Variants in PRDM11 observed in about 807,000 individuals in gnomAD.
PRDM11 encodes the protein PR/SET domain 11.
Under a neutral mutation model 97.8 loss-of-function variants are expected in PRDM11, and 20 were observed. That is an observed-to-expected ratio of 0.20 (90% CI 0.14 to 0.30). The LOEUF is 0.30. Among genes scored for constraint, PRDM11 ranks in the 10% least tolerant of loss-of-function variants. The pLI is 1.00. For missense variants in PRDM11, 1,139 were observed against 1,555.2 expected, an observed-to-expected ratio of 0.73 and a Z score of 4.50; for synonymous variants, 599 against 637.7, an observed-to-expected ratio of 0.94 and a Z score of 0.91.
At chr11:45,147,293 G>GGGCGGGGCGCGGACGC (rs1228105757) in intron 1 of PRDM11, 30 of 151,590 alleles carry the variant, frequency 2.0e-4, no homozygotes, top group Middle Eastern at 3.5e-3. Context: ...GACACGGACG[G>GGGCGGGGCGCGGACGC]GGCGGGGCGC....
chr11:45,119,240 C>T, intron 1 of PRDM11, among the ~76,000 whole-genome samples: 1 of 152,174 alleles, frequency 6.6e-6, no homozygotes, highest in Non-Finnish European at 1.5e-5. Context: ...CCTGAAACAT[C>T]TGTCAGATTT....
At chr11:45,205,036 T>C (rs1332170155) in intron 5 of PRDM11, among the ~76,000 whole-genome samples, 1 of 152,026 alleles carries the variant, frequency 6.6e-6, no homozygotes, top group Non-Finnish European at 1.5e-5. Context: ...TGTCTGGAGG[T>C]CCTGGGCCCC....
chr11:45,207,221 G>A (rs1480621178), intron 5 of PRDM11, among the ~76,000 whole-genome samples: 1 of 152,216 alleles, frequency 6.6e-6, no homozygotes, highest in African/African-American at 2.4e-5. Flanking sequence ...AGCTTCCGTG[G>A]TGTGGCTCTT....
intron 1 of PRDM11, among the ~76,000 whole-genome samples, chr11:45,128,654 T>A (rs1241456633): frequency 6.6e-6 from 1 of 152,142 alleles, no homozygotes; most frequent in Non-Finnish European, 1.5e-5. Flanking sequence ...AAAAACTGAA[T>A]CTGTAATTGA....
At chr11:45,116,541 C>T (rs575227210) in intron 1 of PRDM11, among the ~76,000 whole-genome samples, 4 of 152,106 alleles carry the variant, frequency 2.6e-5, no homozygotes, top group Non-Finnish European at 5.9e-5. Flanking sequence ...TAAATAACTC[C>T]TTGGTGAAAG....
intron 1 of PRDM11, among the ~76,000 whole-genome samples, chr11:45,100,396 T>C (rs1353478882): frequency 6.6e-6 from 1 of 152,252 alleles, no homozygotes; most frequent in East Asian, 1.9e-4. Flanking sequence ...AAACTCATGC[T>C]CAGCCTTTCA....
intron 1 of PRDM11, among the ~76,000 whole-genome samples, chr11:45,105,562 C>T (rs1298046089): frequency 6.6e-6 from 1 of 152,264 alleles, no homozygotes; most frequent in Non-Finnish European, 1.5e-5. Context: ...TCCACTGCTA[C>T]AGCTGACTCT....
chr11:45,103,269 C>A (rs1396468454), intron 1 of PRDM11, among the ~76,000 whole-genome samples: 1 of 152,146 alleles, frequency 6.6e-6, no homozygotes, highest in Non-Finnish European at 1.5e-5. Context: ...AACCTGGACT[C>A]TGCAGTTGGT....
intron 1 of PRDM11, among the ~76,000 whole-genome samples, chr11:45,101,620 A>T: frequency 1.1e-5 from 1 of 90,148 alleles, no homozygotes; most frequent in East Asian, 3.2e-4. Context: ...GCTCAGAGCT[A>T]GAGGCTGAGC....
chr11:45,213,455 AG>A, intron 5 of PRDM11: 1 of 450,046 alleles, frequency 2.2e-6, no homozygotes, highest in Non-Finnish European at 4.5e-6. Flanking sequence ...CTTCTTTTGA[AG>A]GGGGTGAGGC....
At position 45,227,526 on chromosome 11, in the gene PRDM11, C is replaced by T. The variant is rs1299460190; in HGVS notation, c.2901C>T (p.Thr967=). The T allele has an allele frequency of 1.3e-6, 2 of 1,533,892 alleles. No individual in the cohort carries two copies. The highest frequency in any genetic ancestry group is 1.7e-6 in the Non-Finnish European group (2 of 1,146,736). The part of the protein sequence containing the change: ...QSIREKICQK[T]QVILAQRFDS... ...TCAGGGAGAAGATCTGCCAGAAGAC[C>T]CAGGTCATCCTGGCTCAGAGGTTCG... Residue 967 remains threonine, a synonymous_variant, in exon 8 of 8, where the codon ACC becomes ACT. Transcript: ENST00000683152. This position sits in a 1 kb window ranked among gnomAD's most constrained non-coding sequence, Gnocchi z 8.0.
At position 45,233,425 on chromosome 11, in the gene PRDM11, C is replaced by G. The variant is rs576389751; in HGVS notation, c.*5266C>G. 1 of 152,348 alleles carries G rather than the reference C, an allele frequency of 6.6e-6. No homozygotes were observed. The allele number at this position is 152,348 out of a possible 1,614,324, so 9.4% of individuals were successfully genotyped here. ...GGTGCCCCCTACCTCTCCCCACCCC[C>G]ACAGCCCACGCTTAGGCGGTCACTG... is the stretch of plus-strand genomic sequence containing the variant. On this transcript the variant is annotated 3_prime_UTR_variant, in exon 8 of 8. Coordinates refer to ENST00000683152, the MANE Select transcript of PRDM11 (RefSeq NM_001384648.1).
intron 1 of PRDM11, among the ~76,000 whole-genome samples, chr11:45,130,787 G>A (rs113387654): frequency 1.2e-4 from 18 of 152,216 alleles, no homozygotes; most frequent in East Asian, 3.9e-4. Context: ...ATTTTCATCC[G>A]TCAATAACTT....
intron 1 of PRDM11, among the ~76,000 whole-genome samples, chr11:45,174,600 C>T (rs1852284495): frequency 6.6e-6 from 1 of 152,218 alleles, no homozygotes; most frequent in Admixed American, 6.5e-5. Flanking sequence ...GTGCCTGATA[C>T]TCAGTCTCTA....
chr11:45,115,607 G>C (rs1590347348), intron 1 of PRDM11, among the ~76,000 whole-genome samples: 1 of 152,098 alleles, frequency 6.6e-6, no homozygotes, highest in East Asian at 1.9e-4. Flanking sequence ...GGTATAAGAA[G>C]ACAAAAAGTT....
rs1409651923 is a variant in PRDM11 at position 45,229,978 on chromosome 11, A to G, written c.*1819A>G. On this transcript the variant is annotated 3_prime_UTR_variant, in exon 8 of 8. Coordinates refer to ENST00000683152, the MANE Select transcript of PRDM11 (RefSeq NM_001384648.1). ...CGTTGAGAACCATAGTGGAAATGTC[A>G]TCAACACTGAACATGTTATAGCCCT... is the stretch of plus-strand genomic sequence containing the variant. 6.6e-6 allele frequency: 1 copy of G among 152,134 alleles called. No individual in the cohort carries two copies. Among genetic ancestry groups the G allele is most frequent in the East Asian group, 1.9e-4 (1 of 5,188 alleles). The allele number at this position is 152,134 out of a possible 1,614,324, so 9.4% of individuals were successfully genotyped here.
chr11:45,200,989 A>G (rs1397120633), intron 4 of PRDM11, among the ~76,000 whole-genome samples: 1 of 151,246 alleles, frequency 6.6e-6, no homozygotes, highest in Non-Finnish European at 1.5e-5. Context: ...TTTACAACTG[A>G]TGGTGATGGT....
At chr11:45,204,455 C>A (rs571051027) in intron 4 of PRDM11, among the ~76,000 whole-genome samples, 1 of 152,172 alleles carries the variant, frequency 6.6e-6, no homozygotes, top group East Asian at 1.9e-4. Flanking sequence ...TCCAGGAATT[C>A]AAAACACCTC....
chr11:45,208,760 A>G (rs1853607039), intron 5 of PRDM11: 2 of 358,836 alleles, frequency 5.6e-6, no homozygotes, highest in African/African-American at 2.1e-5. Context: ...GGTGGGGGCC[A>G]GGTTGCCCCA....
Sources: gnomAD v4.1 joint callset for allele counts (sites outside exome capture counted in the v4.1 genomes callset) on GRCh38, gnomAD v4.1.1 for gene constraint, Gnocchi (gnomAD v3.1) non-coding constraint, MANE v1.5 for transcripts, NCBI Gene and HGNC (gene_info 2026-07-23, HGNC 2026-07-21) for gene names.